SORL1: variants seen among roughly 807,000 people sequenced by gnomAD.
SORL1 encodes the protein sortilin related receptor 1, also known as sortilin-related receptor.
Under a neutral mutation model 273.7 loss-of-function variants are expected in SORL1, and 127 were observed. That is an observed-to-expected ratio of 0.46 (90% CI 0.40 to 0.54). SORL1 has a LOEUF of 0.54. Ranked by LOEUF, SORL1 falls within the 20% of genes least tolerant of loss-of-function variation. The probability of loss-of-function intolerance (pLI) is 0.00; values close to 1 mark genes in which losing one functional copy is unlikely to be tolerated. For synonymous variants in SORL1, 1,031 were observed against 1,067.4 expected, an observed-to-expected ratio of 0.97 and a Z score of 0.66; for missense variants, 2,494 against 2,846.1, an observed-to-expected ratio of 0.88 and a Z score of 2.81.
intron 2 of SORL1, among the ~76,000 whole-genome samples, chr11:121,476,091 T>G (rs1292365172): frequency 6.6e-6 from 1 of 152,190 alleles, no homozygotes; most frequent in Non-Finnish European, 1.5e-5. Context: ...CCCCTGAAGA[T>G]ATACGTGGGG....
chr11:121,555,198 G>C lies in SORL1; in HGVS notation c.2451G>C (p.Leu817Phe), dbSNP rs769255535. 1 of 1,613,498 alleles carries C rather than the reference G, an allele frequency of 6.2e-7. No individual in the cohort carries two copies. Among genetic ancestry groups the C allele is most frequent in the Admixed American group, 1.7e-5 (1 of 59,990 alleles). Residue 817 changes from leucine to phenylalanine, a missense_variant, in exon 18 of 48, where the codon TTG becomes TTC. Around this residue, in one of 3 missense-constraint regions of SORL1, gnomAD observed 1,609 missense variants for 1,816.4 expected, o/e 0.89. Coordinates refer to ENST00000260197, the MANE Select transcript of SORL1 (RefSeq NM_003105.6). ...LALDVIQRLC[L>F]NGSTGQEVII... ...TTTTCTCTCTTAAGCGCCTCTGTTT[G>C]AATGGAAGCACAGGGCAAGAGGTGA...
rs114506371 is a variant in SORL1 at position 121,615,851 on chromosome 11, C to T, written c.5604+796C>T. ...TAAAATCCGATAAACCCCTGTTCCC[C>T]CTTATTCCTTTCATTGGTTCTGTGG... is the stretch of plus-strand genomic sequence containing the variant. On this transcript the variant is annotated intron_variant, in intron 41 of 47. Transcript: ENST00000260197. Among the ~76,000 whole-genome samples, 200 of 152,248 alleles carry T rather than the reference C, an allele frequency of 1.3e-3. 1 individual carries two copies. Among genetic ancestry groups the T allele is most frequent in the African/African-American group, 4.6e-3 (190 of 41,552 alleles).
At chr11:121,614,561 A>G (rs1221758000) in intron 40 of SORL1, 1 of 260,014 alleles carries the variant, frequency 3.8e-6, no homozygotes, top group African/African-American at 2.3e-5. Flanking sequence ...GGATAACTGG[A>G]TTGAAGGGTA....
intron 2 of SORL1, among the ~76,000 whole-genome samples, chr11:121,475,689 A>G (rs1861255820): frequency 6.6e-6 from 1 of 152,184 alleles, no homozygotes; most frequent in African/African-American, 2.4e-5. Flanking sequence ...CCTAGAGGTA[A>G]CTTGTTGGAG....
chr11:121,574,862 A>G (rs908142052), intron 24 of SORL1, among the ~76,000 whole-genome samples: 2 of 152,230 alleles, frequency 1.3e-5, no homozygotes, highest in African/African-American at 4.8e-5. Flanking sequence ...TCAGGGGGTT[A>G]TTAACAGCTC....
At chr11:121,544,887 G>T (rs1227595961) in intron 13 of SORL1, among the ~76,000 whole-genome samples, 1 of 152,138 alleles carries the variant, frequency 6.6e-6, no homozygotes, top group Non-Finnish European at 1.5e-5. Context: ...AACCCCCAAT[G>T]GTATTGCTCA....
intron 16 of SORL1, among the ~76,000 whole-genome samples, chr11:121,551,469 A>G (rs745938320): frequency 1.3e-5 from 2 of 152,246 alleles, no homozygotes; most frequent in Admixed American, 6.5e-5. Context: ...CCACAGAGAC[A>G]TGAAATTATG....
At chr11:121,609,590 T>C (rs1863529889) in intron 38 of SORL1, 1 of 152,240 alleles carries the variant, frequency 6.6e-6, no homozygotes, top group African/African-American at 2.4e-5. Flanking sequence ...CTTGCATATA[T>C]TTGGGCTAGG....
chr11:121,605,140 A>C lies in SORL1; in HGVS notation c.4679A>C (p.Asn1560Thr), dbSNP rs775519005. Residue 1560 changes from asparagine (N) to threonine (T), a missense_variant, in exon 34 of 48, where the codon AAT becomes ACT. Coordinates refer to ENST00000260197, the MANE Select transcript of SORL1 (RefSeq NM_003105.6). ...GAGTTGACTGTGTACAAAGTACAGA[A>C]TCTTCAGTGGACAGCTGACTTCTCT... ...SDELTVYKVQNLQWTADFSGD... is the reference protein window; with the variant it reads ...SDELTVYKVQTLQWTADFSGD... 1.2e-6 allele frequency: 2 copies of C among 1,613,262 alleles called. No individual in the cohort carries two copies. The highest frequency in any genetic ancestry group is 1.7e-6 in the Non-Finnish European group (2 of 1,179,424).
intron 3 of SORL1, among the ~76,000 whole-genome samples, chr11:121,481,689 C>T (rs1861390275): frequency 4.2e-5 from 5 of 120,358 alleles, no homozygotes; most frequent in Admixed American, 2.4e-4. Context: ...CCCAGCTCCT[C>T]CCCTAGTGCA....
chr11:121,524,600 G>A (rs1230543446), intron 11 of SORL1, among the ~76,000 whole-genome samples: 1 of 152,220 alleles, frequency 6.6e-6, no homozygotes, highest in African/African-American at 2.4e-5. Flanking sequence ...CAGAGGAAGA[G>A]GCTGTAGTGG....
At chr11:121,531,073 C>T (rs1862195932) in intron 11 of SORL1, among the ~76,000 whole-genome samples, 1 of 152,032 alleles carries the variant, frequency 6.6e-6, no homozygotes, top group Admixed American at 6.6e-5. Flanking sequence ...TTTTCTTTCC[C>T]TCATGGGACA....
At chr11:121,491,049 T>C (rs1861545757) in intron 5 of SORL1, among the ~76,000 whole-genome samples, 1 of 151,966 alleles carries the variant, frequency 6.6e-6, no homozygotes, top group Admixed American at 6.5e-5. Context: ...TGTCCCTGTG[T>C]GGAGGTGTGG....
At chr11:121,538,895 T>A (rs1224497239) in intron 12 of SORL1, among the ~76,000 whole-genome samples, 1 of 152,204 alleles carries the variant, frequency 6.6e-6, no homozygotes, top group Non-Finnish European at 1.5e-5. Flanking sequence ...GTCAGGCTGG[T>A]CTCGATTTCT....
At chr11:121,473,049 C>T (rs1356143368) in intron 2 of SORL1, among the ~76,000 whole-genome samples, 3 of 151,878 alleles carry the variant, frequency 2.0e-5, no homozygotes, top group Admixed American at 2.0e-4. Flanking sequence ...AAATGGCCTT[C>T]CTCTCTATAC....
intron 12 of SORL1, among the ~76,000 whole-genome samples, chr11:121,533,256 A>G (rs1340807052): frequency 6.6e-6 from 1 of 152,190 alleles, no homozygotes; most frequent in East Asian, 1.9e-4. Flanking sequence ...GGGGGGTCTC[A>G]TGGAGCTGGA....
rs1479722445 is a variant in SORL1, at chr11:121,604,237, G to A, written c.4564G>A (p.Glu1522Lys). ...TTGCATGAGCAGGGAGTTCCAGTGC[G>A]AGGACGGGGAGGCCTGCATTGTGCT... ...LTCMSREFQC[E>K]DGEACIVLSE... is the part of the protein sequence containing the mutation. Residue 1522 changes from glutamate (E) to lysine (K), a missense_variant, in exon 33 of 48, where the codon GAG becomes AAG. Around this residue, in one of 3 missense-constraint regions of SORL1, gnomAD observed 1,609 missense variants for 1,816.4 expected, o/e 0.89. Coordinates refer to ENST00000260197, the MANE Select transcript of SORL1 (RefSeq NM_003105.6). 9 of 1,614,040 alleles carry A rather than the reference G, an allele frequency of 5.6e-6. No homozygotes were observed. Among genetic ancestry groups the A allele is most frequent in the Non-Finnish European group, 7.6e-6 (9 of 1,180,038 alleles).
intron 21 of SORL1, among the ~76,000 whole-genome samples, chr11:121,564,089 G>A (rs560122136): frequency 6.6e-6 from 1 of 152,324 alleles, no homozygotes; most frequent in South Asian, 2.1e-4. Context: ...GAATGTCTTT[G>A]AAGATGATTG....
intron 6 of SORL1, among the ~76,000 whole-genome samples, chr11:121,500,067 A>G (rs952451388): frequency 1.3e-5 from 2 of 152,138 alleles, no homozygotes; most frequent in African/African-American, 4.8e-5. Context: ...TTTAATTTTT[A>G]TTCCTTGCTT....
Sources: allele counts gnomAD v4.1 joint callset (sites outside exome capture counted in the v4.1 genomes callset), GRCh38; gene constraint gnomAD v4.1.1; regional missense constraint gnomAD v4.1.1; transcripts MANE v1.5; gene names NCBI Gene and HGNC (gene_info 2026-07-23, HGNC 2026-07-21).